The following TEX13A variants were observed in gnomAD, a reference collection of about 807,000 sequenced individuals.
TEX13A encodes the protein testis-expressed protein 13A.
TEX13A carries 8 observed loss-of-function variants against 7.1 expected under a neutral mutation model. The ratio of observed to expected loss-of-function variants is 1.12; its 90% CI spans 0.66 to 2.03. The LOEUF (loss-of-function observed/expected upper bound fraction) is 2.03, where lower values mean the gene tolerates loss of function less well. TEX13A is among the 30% of genes most tolerant of loss of function. The pLI, the probability that TEX13A is intolerant of heterozygous loss-of-function variation, is 0.00. For missense variants in TEX13A, 362 were observed against 332.2 expected (o/e 1.09, Z -0.70); for synonymous variants, 151 against 134.2 (o/e 1.13, Z -0.87).
chrX:105,220,254 G>C lies in TEX13A; in HGVS notation c.144C>G (p.Asp48Glu). Residue 48 changes from aspartate (D) to glutamate (E), a missense_variant, in exon 2 of 3, where the codon GAC becomes GAG. Physicochemically the swap from Asp to Glu is conservative, Grantham distance 45 (BLOSUM62 2). Transcript: ENST00000600991. ...NISLSWEKVEDKLRAILEDSE... is the reference protein window; with the variant it reads ...NISLSWEKVEEKLRAILEDSE... ...TGTCCTCCAGTATGGCCCTCAGCTT[G>C]TCTTCCACCTTCTCCCAGGATAAGG... 1 of 1,211,647 alleles carries C rather than the reference G, an allele frequency of 8.3e-7. No homozygotes were observed.
Position 105,219,188 on chromosome X carries a change from A to C in TEX13A, c.1006T>G (p.Trp336Gly), listed in dbSNP as rs1018107717. The C allele has an allele frequency of 1.7e-6, 2 of 1,210,410 alleles. No individual in the cohort carries two copies. Among genetic ancestry groups the C allele is most frequent in the Admixed American group, 4.3e-5 (2 of 46,007 alleles). The change falls in exon 3 of 3, where the codon TGG (tryptophan) becomes GGG (glycine). Residue 336 changes from tryptophan (W) to glycine (G), a missense_variant. Physicochemically the swap from Trp to Gly is radical, Grantham distance 184. Coordinates refer to ENST00000600991, the MANE Select transcript of TEX13A (RefSeq NM_031274.5). ...CACAGGCTAGTATCAAAGGCCTCCC[A>C]GTCGGAAGGCAGCTGAGGCGGAACT... ...APVPPQLPSD[W>G]EAFDTSLWSD...
Position 105,220,407 on chromosome X carries a change from G to C in TEX13A, c.-10C>G. On this transcript the variant is annotated 5_prime_UTR_variant, in exon 2 of 3. Transcript: ENST00000600991. The stretch of plus-strand genomic sequence containing the variant: ...CAGGTCTCAAGGCCATGATCGCCTA[G>C]GGGTTTAACGGTTTCACTAGCCCTG... 5 of 1,166,048 alleles carry C rather than the reference G, an allele frequency of 4.3e-6. No individual in the cohort carries two copies. Among genetic ancestry groups the C allele is most frequent in the Non-Finnish European group, 5.7e-6 (5 of 870,734 alleles).
chrX:105,219,010 G>C lies in TEX13A; in HGVS notation c.1184C>G (p.Thr395Ser), dbSNP rs201937604. ...GATTCCCTTCCCACAGTCGAAGCAA[G>C]TATCCCTCCGTGAAAAATTCACAGC... ...CNAVNFSRRD[T>S]CFDCGKGIWL... Residue 395 changes from threonine to serine, a missense_variant, in exon 3 of 3, where the codon ACT (threonine) becomes AGT (serine). By Grantham distance (58) the Thr-to-Ser change is moderately conservative. Transcript: ENST00000600991. The C allele has an allele frequency of 2.4e-4, 290 of 1,209,258 alleles. No individual in the cohort carries two copies. Among genetic ancestry groups the C allele is most frequent in the Non-Finnish European group, 3.0e-4 (264 of 894,913 alleles).
In TEX13A at chrX:105,220,274, A is replaced by G. The variant is rs1182128751; in HGVS notation, c.124T>C (p.Ser42Pro). 5.0e-6 allele frequency: 6 copies of G among 1,210,979 alleles called. No individual in the cohort carries two copies. The highest frequency in any genetic ancestry group is 6.7e-6 in the Non-Finnish European group (6 of 895,248). The change falls in exon 2 of 3, where the codon TCC becomes CCC. Residue 42 changes from serine to proline, a missense_variant. Transcript: ENST00000600991. ...AGCTTGTCTTCCACCTTCTCCCAGG[A>G]TAAGGATATATTCTCAAGATAGAAC... The part of the protein sequence containing the change: ...PEFYLENISL[S>P]WEKVEDKLRA...
chrX:105,219,519 G>A lies in TEX13A; in HGVS notation c.675C>T (p.Phe225=), dbSNP rs782368474. 7.4e-6 allele frequency: 9 copies of A among 1,209,069 alleles called. 1 individual carries two copies. The South Asian group carries it at 1.4e-4, about 19-fold the overall frequency. The change falls in exon 3 of 3, where the codon TTC becomes TTT. Residue 225 remains phenylalanine, a synonymous_variant. Coordinates refer to ENST00000600991, the MANE Select transcript of TEX13A (RefSeq NM_031274.5). ...AGGCAGCCCTGGCCTCCACGTGGGGGAACTGGGTCTCCATGGGGGCAGCCC... is the reference window on the plus strand; with the variant it reads ...AGGCAGCCCTGGCCTCCACGTGGGGAAACTGGGTCTCCATGGGGGCAGCCC... ...EAGAAPMETQ[F]PHVEARAASM... is the part of the protein sequence containing the mutation.
At position 105,220,086 on chromosome X, in the gene TEX13A, T is replaced by C; in HGVS notation, c.312A>G (p.Ala104=). ...TCTTCAGGTCTGATGCCAAGGCCTG[T>C]GCGGCTGATTTGTGCAGTTTGGCGA... ...HGFAKLHKSA[A]QALASDLKKL... Residue 104 remains alanine, a synonymous_variant, in exon 2 of 3, where the codon GCA becomes GCG. Transcript: ENST00000600991. The C allele has an allele frequency of 8.3e-7, 1 of 1,211,469 alleles. No homozygotes were observed. The highest frequency in any genetic ancestry group is 1.1e-6 in the Non-Finnish European group (1 of 895,290).
At chrX:105,219,830 G>A in intron 2 of TEX13A, 72 bp from the exon 3 acceptor site, 1 of 1,098,507 alleles carries the variant, frequency 9.1e-7, no homozygotes, top group Non-Finnish European at 1.2e-6. Flanking sequence ...GTAGGACGGA[G>A]CTACCAGGTG....
Position 105,219,637 on chromosome X carries a change from C to T in TEX13A, c.557G>A (p.Gly186Asp). Reference protein sequence around the residue: ...EEEEAAVAAAGAAGGKGAEEE... With the variant: ...EEEEAAVAAADAAGGKGAEEE... ...TTCTGCTCCTTTTCCTCCAGCAGCA[C>T]CAGCAGCAGCCACCGCCGCCTCTTC... Residue 186 changes from glycine (G) to aspartate (D), a missense_variant, in exon 3 of 3, where the codon GGT becomes GAT. By Grantham distance (94) the Gly-to-Asp change is moderately conservative. Transcript: ENST00000600991. 8.3e-7 allele frequency: 1 copy of T among 1,210,536 alleles called. No individual in the cohort carries two copies. The highest frequency in any genetic ancestry group is 1.8e-5 in the South Asian group (1 of 56,930).
rs1556178309 is a variant in TEX13A at position 105,219,999 on chromosome X, C to T, written c.399G>A (p.Gln133=). Residue 133 remains glutamine, a synonymous_variant, in exon 2 of 3, where the codon CAG becomes CAA. Transcript: ENST00000600991. ...CTTTCTGCACCTCCACGAGGCTGGT[C>T]TGGGCCATTCTTAGCCGGGAGGCCG... The part of the protein sequence containing the change: ...KEAASRLRMA[Q]TSLVEVQKER... The T allele has an allele frequency of 8.3e-7, 1 of 1,209,593 alleles. No homozygotes were observed.
chrX:105,219,828 G>A (rs2033930529), intron 2 of TEX13A, 70 bp from the exon 3 acceptor site: 1 of 1,102,315 alleles, frequency 9.1e-7, no homozygotes, highest in Non-Finnish European at 1.2e-6. Context: ...GGGTAGGACG[G>A]AGCTACCAGG....
Position 105,219,774 on chromosome X carries a change from C to A in TEX13A, c.436-16G>T, listed in dbSNP as rs2033929255. 1 of 1,191,306 alleles carries A rather than the reference C, an allele frequency of 8.4e-7. No individual in the cohort carries two copies. Among genetic ancestry groups the A allele is most frequent in the Non-Finnish European group, 1.1e-6 (1 of 887,615 alleles). ...ACACCAGCTCCTGGAGAGAAGTGGGCAGGGCTGAGGTGTGTTCTGGGGGCA... is the reference window on the plus strand; with the variant it reads ...ACACCAGCTCCTGGAGAGAAGTGGGAAGGGCTGAGGTGTGTTCTGGGGGCA... On this transcript the variant is annotated splice_polypyrimidine_tract_variant and intron_variant, in intron 2 of 2. Transcript: ENST00000600991.
Position 105,219,439 on chromosome X carries a change from G to A in TEX13A, c.755C>T (p.Ala252Val), listed in dbSNP as rs2033915996. ...ERILLQLLGDADQEKYTYWGQ... is the reference protein window; with the variant it reads ...ERILLQLLGDVDQEKYTYWGQ... ...CCAATAGGTGTACTTTTCCTGATCA[G>A]CATCTCCAAGGAGCTGCAGGAGGAT... Residue 252 changes from alanine to valine, a missense_variant, in exon 3 of 3, where the codon GCT becomes GTT. Physicochemically the swap from Ala to Val is moderately conservative, Grantham distance 64 (BLOSUM62 0). Coordinates refer to ENST00000600991, the MANE Select transcript of TEX13A (RefSeq NM_031274.5). 2 of 1,209,792 alleles carry A rather than the reference G, an allele frequency of 1.7e-6. No individual in the cohort carries two copies. Among genetic ancestry groups the A allele is most frequent in the Admixed American group, 4.4e-5 (2 of 45,887 alleles).
Position 105,218,963 on chromosome X carries a change from C to T in TEX13A, c.*1G>A, listed in dbSNP as rs1556171877. The T allele has an allele frequency of 2.5e-6, 3 of 1,205,963 alleles. No homozygotes were observed. Among genetic ancestry groups the T allele is most frequent in the Admixed American group, 2.2e-5 (1 of 45,675 alleles). ...TTCGGTTCTATTTTGCATTTCTGCA[C>T]TCAATGAGGTTTTTGCAGCCAGATT... is the stretch of plus-strand genomic sequence containing the variant. On this transcript the variant is annotated 3_prime_UTR_variant, in exon 3 of 3. Coordinates refer to ENST00000600991, the MANE Select transcript of TEX13A (RefSeq NM_031274.5).
Position 105,219,161 on chromosome X carries a change from A to G in TEX13A, c.1033T>C (p.Ser345Pro), listed in dbSNP as rs377104623. The change falls in exon 3 of 3, where the codon TCT becomes CCT. Residue 345 changes from serine to proline, a missense_variant. Transcript: ENST00000600991. The part of the protein sequence containing the change: ...DWEAFDTSLW[S>P]DGGPHRIDHQ... ...TCTATTCTGTGGGGCCCCCCATCAG[A>G]CCACAGGCTAGTATCAAAGGCCTCC... The G allele has an allele frequency of 6.4e-4, 775 of 1,208,652 alleles. No individual in the cohort carries two copies. Among genetic ancestry groups the G allele is most frequent in the Non-Finnish European group, 8.2e-4 (736 of 894,821 alleles).
In TEX13A at chrX:105,219,224, C is replaced by A. The variant is rs1556173296; in HGVS notation, c.970G>T (p.Val324Phe). The part of the protein sequence containing the change: ...IPTISPPQAT[V>F]TAPVPPQLPS... ...AGCTGAGGCGGAACTGGTGCTGTGA[C>A]TGTTGCTTGTGGAGGGGATATAGTG... The change falls in exon 3 of 3, where the codon GTC becomes TTC. Residue 324 changes from valine to phenylalanine, a missense_variant. Val to Phe is a conservative substitution (Grantham distance 50, BLOSUM62 -1). Coordinates refer to ENST00000600991, the MANE Select transcript of TEX13A (RefSeq NM_031274.5). 1.7e-6 allele frequency: 2 copies of A among 1,210,915 alleles called. No homozygotes were observed. Among genetic ancestry groups the A allele is most frequent in the Non-Finnish European group, 2.2e-6 (2 of 895,183 alleles).
rs1419370804 is a variant in TEX13A at position 105,219,282 on chromosome X, G to A, written c.912C>T (p.Tyr304=). 3 of 1,207,225 alleles carry A rather than the reference G, an allele frequency of 2.5e-6. No homozygotes were observed. Among genetic ancestry groups the A allele is most frequent in the Non-Finnish European group, 3.4e-6 (3 of 893,212 alleles). ...CTGAGAAGGAGGAAAAAGGGCTTGA[G>A]TATGAGTATGAGTATGAGGCAGGGA... is the stretch of plus-strand genomic sequence containing the variant. ...VQLPASYSYS[Y]SSPFSSFSDI... The change falls in exon 3 of 3, where the codon TAC becomes TAT. Residue 304 remains tyrosine (Y), a synonymous_variant. Transcript: ENST00000600991.
chrX:105,219,915 C>G, intron 2 of TEX13A, 48 bp downstream of exon 2: 1 of 1,140,259 alleles, frequency 8.8e-7, no homozygotes, highest in Non-Finnish European at 1.2e-6. Context: ...TGGTACTGGG[C>G]AGGGACCAGT....
Position 105,219,384 on chromosome X carries a change from G to T in TEX13A, c.810C>A (p.Val270=). Residue 270 remains valine, a synonymous_variant, in exon 3 of 3, where the codon GTC becomes GTA. Transcript: ENST00000600991. The part of the protein sequence containing the change: ...WGQKEGDLRS[V]ETATSYFSGT... ...CAGAGAAATAAGATGTGGCTGTTTC[G>T]ACCGACCGGAGATCTCCCTCCTTCT... 8.3e-7 allele frequency: 1 copy of T among 1,210,582 alleles called. No homozygotes were observed. The highest frequency in any genetic ancestry group is 2.2e-5 in the Admixed American group (1 of 45,936).
Position 105,220,282 on chromosome X carries a change from A to G in TEX13A, c.116T>C (p.Ile39Thr), listed in dbSNP as rs1556179571. 7 of 1,209,206 alleles carry G rather than the reference A, an allele frequency of 5.8e-6. No homozygotes were observed. Among genetic ancestry groups the G allele is most frequent in the Non-Finnish European group, 6.7e-6 (6 of 894,858 alleles). ...TKGPEFYLEN[I>T]SLSWEKVEDK... ...TTCCACCTTCTCCCAGGATAAGGAT[A>G]TATTCTCAAGATAGAACTCGGGGCC... is the stretch of plus-strand genomic sequence containing the variant. Residue 39 changes from isoleucine to threonine, a missense_variant, in exon 2 of 3, where the codon ATA becomes ACA. Coordinates refer to ENST00000600991, the MANE Select transcript of TEX13A (RefSeq NM_031274.5).
Sources: allele counts gnomAD v4.1 joint callset, GRCh38; gene constraint gnomAD v4.1.1; transcripts MANE v1.5; gene names NCBI Gene and HGNC (gene_info 2026-07-23, HGNC 2026-07-21).